Variants in CSMD1 observed in about 807,000 individuals in gnomAD.
The protein encoded by CSMD1 is CUB and sushi domain-containing protein 1.
A neutral mutation model predicts 417.5 loss-of-function variants in CSMD1; 213 were observed. That is an observed-to-expected ratio of 0.51 (90% CI 0.46 to 0.57). The LOEUF (loss-of-function observed/expected upper bound fraction) is 0.57. Among genes scored for constraint, CSMD1 ranks in the 20% least tolerant of loss-of-function variants. The pLI is 0.00. For missense variants in CSMD1, 6,923 were observed against 4,529.7 expected (o/e 1.53, Z -15.17); for synonymous variants, 2,862 against 1,736.8 (o/e 1.65, Z -16.11).
intron 5 of CSMD1, among the ~76,000 whole-genome samples, chr8:3,967,390 G>T (rs1812749828): frequency 6.6e-6 from 1 of 151,962 alleles, no homozygotes; most frequent in Non-Finnish European, 1.5e-5. Flanking sequence ...TATTCTCTAG[G>T]GAGGTTGTCA....
At chr8:3,219,057 T>C (rs1798050687) in intron 29 of CSMD1, among the ~76,000 whole-genome samples, 198 bp downstream of exon 29, 1 of 152,144 alleles carries the variant, frequency 6.6e-6, no homozygotes, top group South Asian at 2.1e-4. Flanking sequence ...CCTCTCTTTC[T>C]TCCTCCAGTT....
At chr8:3,037,702 T>C (rs1810785931) in intron 50 of CSMD1, among the ~76,000 whole-genome samples, 2 of 152,198 alleles carry the variant, frequency 1.3e-5, no homozygotes, top group Admixed American at 1.3e-4. Flanking sequence ...CCCTTACAGC[T>C]TAACGAAATG....
chr8:4,347,500 T>G (rs1390798535), intron 3 of CSMD1, among the ~76,000 whole-genome samples: 1 of 152,182 alleles, frequency 6.6e-6, no homozygotes, highest in East Asian at 1.9e-4. Flanking sequence ...TAAAGGAGAC[T>G]AAATTATAAT....
At chr8:4,398,554 C>T (rs565244723) in intron 3 of CSMD1, among the ~76,000 whole-genome samples, 14 of 151,850 alleles carry the variant, frequency 9.2e-5, no homozygotes, top group East Asian at 3.9e-4. Flanking sequence ...CCACCATGCC[C>T]GGCCAAATTT....
At chr8:3,565,618 A>T (rs1439326100) in intron 10 of CSMD1, among the ~76,000 whole-genome samples, 2 of 152,192 alleles carry the variant, frequency 1.3e-5, no homozygotes, top group Admixed American at 1.3e-4. Context: ...AAGTTCTTTA[A>T]AAAAACCATT....
intron 2 of CSMD1, among the ~76,000 whole-genome samples, chr8:4,422,206 C>G (rs1358260453): frequency 6.6e-6 from 1 of 152,096 alleles, no homozygotes; most frequent in Non-Finnish European, 1.5e-5. Context: ...ACCAGTCGTA[C>G]ACACTTTAAA....
chr8:3,096,249 C>G (rs978486968), intron 47 of CSMD1, among the ~76,000 whole-genome samples: 2 of 152,110 alleles, frequency 1.3e-5, no homozygotes, highest in Non-Finnish European at 2.9e-5. Context: ...TGTTAACAAT[C>G]CTATGGTTTG....
At chr8:3,552,388 A>G (rs1798955341) in intron 10 of CSMD1, among the ~76,000 whole-genome samples, 1 of 152,172 alleles carries the variant, frequency 6.6e-6, no homozygotes, top group Non-Finnish European at 1.5e-5. Flanking sequence ...TTTTGTAAGC[A>G]TTACATGCTA....
At chr8:4,544,548 C>T (rs1040918653) in intron 2 of CSMD1, among the ~76,000 whole-genome samples, 7 of 151,922 alleles carry the variant, frequency 4.6e-5, no homozygotes, top group African/African-American at 1.5e-4. Flanking sequence ...ACTTATAAGG[C>T]TTTAGAGGAC....
chr8:4,503,578 A>G lies in CSMD1; in HGVS notation c.303-83513T>C, dbSNP rs1802370089. 2.6e-5 allele frequency among the ~76,000 whole-genome samples: 4 copies of G among 152,168 alleles called. No individual in the cohort carries two copies. The South Asian group carries it at 6.2e-4, about 24-fold the overall frequency. On this transcript the variant is annotated intron_variant, in intron 2 of 69. Transcript: ENST00000635120. ...AAATGGATTGGTATATGATAAACAT[A>G]TAAAAATAAAAATAACTGCATTGAC...
intron 3 of CSMD1, among the ~76,000 whole-genome samples, chr8:4,337,641 C>T (rs1444655453): frequency 6.6e-6 from 1 of 152,070 alleles, no homozygotes; most frequent in South Asian, 2.1e-4. Context: ...TGAACTATTC[C>T]GTTGACTTAC....
chr8:4,527,484 TGTCAA>T (rs1796577349), intron 2 of CSMD1, among the ~76,000 whole-genome samples: 1 of 152,182 alleles, frequency 6.6e-6, no homozygotes, highest in Non-Finnish European at 1.5e-5. Context: ...GAGTTGTCAG[TGTCAA>T]GATATAAAGA....
At chr8:3,437,363 T>G (rs531795270) in intron 12 of CSMD1, among the ~76,000 whole-genome samples, 379 of 152,310 alleles carry the variant, frequency 2.5e-3, no homozygotes, top group Non-Finnish European at 4.7e-3. Context: ...GAGGTATAGT[T>G]TGCATTCATA....
At chr8:3,998,858 A>G (rs957080298) in intron 4 of CSMD1, among the ~76,000 whole-genome samples, 3 of 150,384 alleles carry the variant, frequency 2.0e-5, no homozygotes, top group African/African-American at 4.9e-5. Flanking sequence ...TATGCATTTT[A>G]AACTATATAT....
At chr8:4,141,270 G>A (rs775254875) in intron 3 of CSMD1, among the ~76,000 whole-genome samples, 2 of 151,018 alleles carry the variant, frequency 1.3e-5, no homozygotes, top group Admixed American at 6.6e-5. Context: ...AAATTCCAGC[G>A]ACCTTCAGGT....
At chr8:4,562,042 T>C (rs1389133761) in intron 2 of CSMD1, among the ~76,000 whole-genome samples, 7 of 152,148 alleles carry the variant, frequency 4.6e-5, no homozygotes. Flanking sequence ...CCGTACATAT[T>C]CAATGCAGCC....
At chr8:4,880,345 C>A (rs993917977) in intron 1 of CSMD1, among the ~76,000 whole-genome samples, 2 of 152,082 alleles carry the variant, frequency 1.3e-5, no homozygotes. Flanking sequence ...CTAAGATAGT[C>A]AAATTTACTT....
intron 10 of CSMD1, among the ~76,000 whole-genome samples, chr8:3,525,905 C>A (rs1193733711): frequency 6.6e-6 from 1 of 152,154 alleles, no homozygotes; most frequent in Non-Finnish European, 1.5e-5. Context: ...GCCAACTGGG[C>A]ACCTACCACA....
chr8:4,986,558 A>G (rs915547200), intron 1 of CSMD1, among the ~76,000 whole-genome samples: 2 of 152,214 alleles, frequency 1.3e-5, no homozygotes, highest in Admixed American at 1.3e-4. Context: ...GCCCTTTCTT[A>G]TATAACACGA....
Sources: allele counts gnomAD v4.1 joint callset (sites outside exome capture counted in the v4.1 genomes callset), GRCh38; gene constraint gnomAD v4.1.1; transcripts MANE v1.5; gene names NCBI Gene and HGNC (gene_info 2026-07-23, HGNC 2026-07-21).